Variants in RAP1GAP2 observed in about 807,000 individuals in gnomAD.
RAP1GAP2 encodes the protein RAP1 GTPase activating protein 2.
Under a neutral mutation model 95.0 loss-of-function variants are expected in RAP1GAP2, and 27 were observed. The observed-to-expected ratio is 0.28, with a 90% CI of 0.21 to 0.39. The LOEUF (loss-of-function observed/expected upper bound fraction) is 0.39. Ranked by LOEUF, RAP1GAP2 falls within the 10% of genes least tolerant of loss-of-function variation. The pLI is 1.00. For missense variants in RAP1GAP2, 771 were observed against 970.0 expected, an observed-to-expected ratio of 0.79 and a Z score of 2.72; for synonymous variants, 373 against 380.9, an observed-to-expected ratio of 0.98 and a Z score of 0.24.
chr17:2,782,183 C>T (rs1429236729), intron 1 of RAP1GAP2, among the ~76,000 whole-genome samples: 1 of 152,164 alleles, frequency 6.6e-6, no homozygotes, highest in Admixed American at 6.5e-5. Context: ...CTGTTTCTCC[C>T]TCTGTCTGAG....
chr17:2,937,957 G>C (rs2043354199), intron 3 of RAP1GAP2, among the ~76,000 whole-genome samples: 1 of 152,152 alleles, frequency 6.6e-6, no homozygotes, highest in African/African-American at 2.4e-5. Context: ...AAGACTGTGG[G>C]GTTCTGGAGC....
intron 3 of RAP1GAP2, among the ~76,000 whole-genome samples, chr17:2,914,184 T>C (rs910820346): frequency 3.9e-5 from 6 of 152,078 alleles, no homozygotes; most frequent in African/African-American, 1.4e-4. Context: ...GGTGACTGTT[T>C]ATATGAAACT....
At position 3,027,427 on chromosome 17, in the gene RAP1GAP2, G is replaced by T. The variant is rs1305021532; in HGVS notation, c.2107+357G>T. ...CCCCACCTGCCAGCGCTCCAGGGCT[G>T]CCAGGGCCCGTCTGTCATGTCGGGG... On this transcript the variant is annotated intron_variant, in intron 22 of 24. Transcript: ENST00000254695. The surrounding 1 kb of genome is among the most constrained non-coding windows in gnomAD (Gnocchi z 5.2). Among the ~76,000 whole-genome samples the T allele has an allele frequency of 6.6e-6, 1 of 152,102 alleles. No homozygotes were observed. The highest frequency in any genetic ancestry group is 1.9e-4 in the East Asian group (1 of 5,174).
rs1012117698 is a variant in RAP1GAP2, at chr17:2,963,471, C to T, written c.279+9C>T. On this transcript the variant is annotated intron_variant, in intron 6 of 24. Coordinates refer to ENST00000254695, the MANE Select transcript of RAP1GAP2 (RefSeq NM_015085.5). The surrounding 1 kb of genome is among the most constrained non-coding windows in gnomAD (Gnocchi z 4.8). ...ACCCCAGCATCGACGAGGTAGGTGC[C>T]CTCCCCTCACTCCCACCTGCCCTGC... 7.4e-6 allele frequency: 12 copies of T among 1,613,686 alleles called. No individual in the cohort carries two copies. The Admixed American group carries it at 1.3e-4, about 18-fold the overall frequency.
chr17:2,822,917 AGCC>A (rs2070373321), intron 2 of RAP1GAP2, among the ~76,000 whole-genome samples: 2 of 152,144 alleles, frequency 1.3e-5, no homozygotes, highest in Non-Finnish European at 2.9e-5. Context: ...GTTCTAGACC[AGCC>A]TGACCAACAT....
At chr17:3,032,883 A>G (rs1213797306) in intron 24 of RAP1GAP2, among the ~76,000 whole-genome samples, 1 of 152,054 alleles carries the variant, frequency 6.6e-6, no homozygotes, top group Admixed American at 6.5e-5. Context: ...ACTGTGAGGG[A>G]CCACCCCAGG....
chr17:2,838,016 CTTT>C (rs71153304), intron 2 of RAP1GAP2, among the ~76,000 whole-genome samples: 1 of 94,440 alleles, frequency 1.1e-5, no homozygotes, highest in Non-Finnish European at 1.9e-5. Flanking sequence ...TTCTTTTTTC[CTTT>C]TTTTTTTTTT....
intron 2 of RAP1GAP2, among the ~76,000 whole-genome samples, chr17:2,896,568 G>A (rs924091305): frequency 6.6e-6 from 1 of 152,216 alleles, no homozygotes; most frequent in Non-Finnish European, 1.5e-5. Flanking sequence ...AGCTGCTTGT[G>A]CGGTAAAGGC....
In RAP1GAP2 at chr17:3,005,960, G is replaced by A. The variant is rs202059078; in HGVS notation, c.1278G>A (p.Pro426=). The part of the protein sequence containing the change: ...LPSPPVFQKG[P]EFREFLLTKL... ...GTCCGTCTTGTCTCTTCCAGGGCCC[G>A]GAATTCAGGGAGTTTCTGCTCACCA... Residue 426 remains proline, a synonymous_variant, in exon 16 of 25, where the codon CCG becomes CCA. Coordinates refer to ENST00000254695, the MANE Select transcript of RAP1GAP2 (RefSeq NM_015085.5). This position sits in a 1 kb window ranked among gnomAD's most constrained non-coding sequence, Gnocchi z 5.2. The A allele has an allele frequency of 1.4e-5, 22 of 1,613,692 alleles. No individual in the cohort carries two copies. Among genetic ancestry groups the A allele is most frequent in the Middle Eastern group, 3.3e-4 (2 of 6,058 alleles).
intron 2 of RAP1GAP2, among the ~76,000 whole-genome samples, chr17:2,895,908 C>G (rs999288838): frequency 3.9e-5 from 6 of 152,178 alleles, no homozygotes; most frequent in Non-Finnish European, 8.8e-5. Context: ...CTGCTGTGCC[C>G]TCGAATGGTG....
intron 19 of RAP1GAP2, among the ~76,000 whole-genome samples, chr17:3,025,618 C>T (rs76271248): frequency 0.013 from 1,985 of 152,262 alleles, 33 homozygotes; most frequent in African/African-American, 0.044. Context: ...GTGGTTCCTG[C>T]GGTGGGGGCG....
At chr17:2,832,421 T>C (rs181091100) in intron 2 of RAP1GAP2, among the ~76,000 whole-genome samples, 2 of 142,416 alleles carry the variant, frequency 1.4e-5, no homozygotes, top group African/African-American at 5.2e-5. Context: ...ACCCAGGTGT[T>C]GTGGCGGGCA....
chr17:2,942,965 C>T (rs183384439), intron 3 of RAP1GAP2, among the ~76,000 whole-genome samples: 4 of 152,158 alleles, frequency 2.6e-5, no homozygotes, highest in Admixed American at 6.5e-5. Context: ...GATGGGGTTT[C>T]ACCATGTTGG....
At chr17:2,859,655 C>T (rs1465269916) in intron 2 of RAP1GAP2, among the ~76,000 whole-genome samples, 1 of 152,110 alleles carries the variant, frequency 6.6e-6, no homozygotes, top group Non-Finnish European at 1.5e-5. Flanking sequence ...AGGCTGGTCT[C>T]GAACTCCTGG....
chr17:3,014,626 T>C (rs892099503), intron 17 of RAP1GAP2, among the ~76,000 whole-genome samples: 18 of 148,784 alleles, frequency 1.2e-4, no homozygotes, highest in Admixed American at 6.1e-4. Context: ...CTCGGCTCAC[T>C]GCAACCCCAG....
chr17:3,024,969 G>C lies in RAP1GAP2; in HGVS notation c.1752-1039G>C, dbSNP rs184933223. Among the ~76,000 whole-genome samples, 391 of 152,324 alleles carry C rather than the reference G, an allele frequency of 2.6e-3. 1 individual carries two copies. The highest frequency in any genetic ancestry group is 9.2e-3 in the African/African-American group (383 of 41,560). ...GGGGTCCAAAAGTATTCTAAAATCA[G>C]ATGGTGGTGATAGTTGCACAACTCT... is the stretch of plus-strand genomic sequence containing the variant. On this transcript the variant is annotated intron_variant, in intron 19 of 24. Transcript: ENST00000254695.
At chr17:2,907,921 C>T (rs973995321) in intron 3 of RAP1GAP2, among the ~76,000 whole-genome samples, 1 of 152,184 alleles carries the variant, frequency 6.6e-6, no homozygotes, top group Non-Finnish European at 1.5e-5. Context: ...CTTCTCCTAC[C>T]TGAGCCTCCC....
Position 2,965,416 on chromosome 17 carries a change from C to G in RAP1GAP2, c.493-124C>G, listed in dbSNP as rs1304054899. On this transcript the variant is annotated intron_variant, in intron 7 of 24. Coordinates refer to ENST00000254695, the MANE Select transcript of RAP1GAP2 (RefSeq NM_015085.5). The surrounding 1 kb of genome is among the most constrained non-coding windows in gnomAD (Gnocchi z 4.7). ...TACCTGTTAATGTCGTTGTCATTGT[C>G]ATCAGTAGCATCCTTCTCTTCCTTG... is the stretch of plus-strand genomic sequence containing the variant. 1.4e-6 allele frequency: 1 copy of G among 734,680 alleles called. No homozygotes were observed. Among genetic ancestry groups the G allele is most frequent in the Non-Finnish European group, 2.3e-6 (1 of 441,342 alleles). 45.5% of individuals were successfully genotyped at this position (734,680 alleles called of 1,614,324 possible).
chr17:2,956,511 C>G (rs943386871), intron 3 of RAP1GAP2, among the ~76,000 whole-genome samples: 1 of 152,214 alleles, frequency 6.6e-6, no homozygotes, highest in Non-Finnish European at 1.5e-5. Context: ...GAGGCCCCAC[C>G]TCTGCCTGAA....
Sources: gnomAD v4.1 joint callset for allele counts (sites outside exome capture counted in the v4.1 genomes callset) on GRCh38, gnomAD v4.1.1 for gene constraint, Gnocchi (gnomAD v3.1) non-coding constraint, MANE v1.5 for transcripts, NCBI Gene and HGNC (gene_info 2026-07-23, HGNC 2026-07-21) for gene names.